The following NFATC2 variants were observed in gnomAD, a reference collection of about 807,000 sequenced individuals.
NFATC2 encodes nuclear factor of activated T cells 2.
NFATC2 carries 22 observed loss-of-function variants against 87.3 expected under a neutral mutation model. The ratio of observed to expected loss-of-function variants is 0.25; its 90% CI spans 0.18 to 0.36. The LOEUF (loss-of-function observed/expected upper bound fraction) is 0.36, where lower values mean the gene tolerates loss of function less well. Ranked by LOEUF, NFATC2 falls within the 10% of genes least tolerant of loss-of-function variation. The pLI, the probability that NFATC2 is intolerant of heterozygous loss-of-function variation, is 1.00. For synonymous variants in NFATC2, 565 were observed against 542.2 expected (o/e 1.04, Z -0.58); for missense variants, 1,149 against 1,259.1 (o/e 0.91, Z 1.32).
intron 4 of NFATC2, 45 bp from the exon 5 acceptor site, chr20:51,474,197 A>G: frequency 6.3e-7 from 1 of 1,599,776 alleles, no homozygotes; most frequent in South Asian, 1.1e-5. Flanking sequence ...TACCTTCAGG[A>G]GCAGGAAAGA....
At chr20:51,431,963 G>A in intron 9 of NFATC2, 104 bp downstream of exon 9, 1 of 1,227,840 alleles carries the variant, frequency 8.1e-7, no homozygotes. Flanking sequence ...GGACACTGAG[G>A]CCCAAAGAGA....
At chr20:51,487,321 T>C (rs769179642) in intron 3 of NFATC2, among the ~76,000 whole-genome samples, 1 of 152,114 alleles carries the variant, frequency 6.6e-6, no homozygotes, top group Non-Finnish European at 1.5e-5. Context: ...AACACATTGA[T>C]AAGACATTCC....
upstream of NFATC2, among the ~76,000 whole-genome samples, chr20:51,543,874 A>G (rs970190751): frequency 6.6e-6 from 1 of 151,912 alleles, no homozygotes; most frequent in Non-Finnish European, 1.5e-5. Context: ...AAAGATCAAA[A>G]CAGTGGTCTT....
In NFATC2 at chr20:51,524,930, T is replaced by C. The variant is rs557577327; in HGVS notation, c.131-820A>G. ...CTGACACCCAAACTATTAGACCCAA[T>C]GGATGCAGGCCGGGCGTGGTGGCTC... On this transcript the variant is annotated intron_variant, in intron 1 of 10. Transcript: ENST00000371564. This position sits in a 1 kb window ranked among gnomAD's most constrained non-coding sequence, Gnocchi z 4.0. Among the ~76,000 whole-genome samples the C allele has an allele frequency of 6.6e-6, 1 of 151,968 alleles. No homozygotes were observed. The highest frequency in any genetic ancestry group is 1.9e-4 in the East Asian group (1 of 5,174).
intron 1 of NFATC2, among the ~76,000 whole-genome samples, chr20:51,525,219 C>CA (rs1266675593): frequency 6.6e-6 from 1 of 152,096 alleles, no homozygotes; most frequent in Non-Finnish European, 1.5e-5. Context: ...GACTCTGTCT[C>CA]AAAAATAAAA....
chr20:51,427,753 C>T (rs193254361), intron 9 of NFATC2, among the ~76,000 whole-genome samples: 8 of 152,298 alleles, frequency 5.3e-5, no homozygotes, highest in East Asian at 3.9e-4. Context: ...CCCCAAAGGC[C>T]GCCTCTTCAG....
At chr20:51,536,328 G>A (rs1254134281) in intron 1 of NFATC2, among the ~76,000 whole-genome samples, 5 of 152,140 alleles carry the variant, frequency 3.3e-5, no homozygotes, top group African/African-American at 9.7e-5. Context: ...ATATAGTGCT[G>A]ATGGCAGGGA....
intron 9 of NFATC2, among the ~76,000 whole-genome samples, chr20:51,407,316 C>T (rs1247210425): frequency 6.6e-6 from 1 of 152,172 alleles, no homozygotes; most frequent in African/African-American, 2.4e-5. Flanking sequence ...CACTTGGCAC[C>T]CCCAGTTTTA....
chr20:51,523,410 C>A lies in NFATC2; in HGVS notation c.831G>T (p.Pro277=), dbSNP rs773241062. The A allele has an allele frequency of 6.2e-7, 1 of 1,608,188 alleles. No individual in the cohort carries two copies. The highest frequency in any genetic ancestry group is 8.5e-7 in the Non-Finnish European group (1 of 1,177,130). The change falls in exon 2 of 11, where the codon CCG becomes CCT. Residue 277 remains proline (P), a synonymous_variant. Coordinates refer to ENST00000371564, the MANE Select transcript of NFATC2 (RefSeq NM_012340.5). The surrounding 1 kb of genome is among the most constrained non-coding windows in gnomAD (Gnocchi z 6.9). ...ASPQRSRSPS[P]QPSSHVAPQD... The stretch of plus-strand genomic sequence containing the variant: ...GGGGTGCCACGTGAGATGAGGGCTG[C>A]GGCGAGGGGCTCCGGGAGCGCTGGG...
At chr20:51,400,413 TTCTC>T (rs573587702) in intron 9 of NFATC2, among the ~76,000 whole-genome samples, 1 of 146,352 alleles carries the variant, frequency 6.8e-6, no homozygotes, top group African/African-American at 2.5e-5. Context: ...AGAACACGAG[TTCTC>T]TCTCCAAACC....
intron 9 of NFATC2, among the ~76,000 whole-genome samples, chr20:51,420,710 A>G (rs1980764414): frequency 6.6e-6 from 1 of 152,180 alleles, no homozygotes; most frequent in Non-Finnish European, 1.5e-5. Flanking sequence ...TATAATAAAA[A>G]CAAAGAAGAA....
chr20:51,421,469 A>G (rs1328057025), intron 9 of NFATC2, among the ~76,000 whole-genome samples: 1 of 152,226 alleles, frequency 6.6e-6, no homozygotes, highest in African/African-American at 2.4e-5. Flanking sequence ...AATGAGTGAA[A>G]TCGGTGAAGT....
chr20:51,392,750 A>T (rs527500051), intron 10 of NFATC2, among the ~76,000 whole-genome samples: 1 of 152,236 alleles, frequency 6.6e-6, no homozygotes, highest in East Asian at 1.9e-4. Flanking sequence ...ATTGGCAGTG[A>T]GGGTTAAATG....
rs756135755 is a variant in NFATC2, at chr20:51,523,202, G to A, written c.1039C>T (p.Pro347Ser). ...CAGGGCCCCAGGAACTCCACGGCCG[G>A]GTAGATGTGGCGAGGCAGGCCGGCC... ...SKAGLPRHIY[P>S]AVEFLGPCEQ... The change falls in exon 2 of 11, where the codon CCG (proline) becomes TCG (serine). Residue 347 changes from proline to serine, a missense_variant. Physicochemically the swap from Pro to Ser is moderately conservative, Grantham distance 74 (BLOSUM62 -1). Around this residue, in one of 3 missense-constraint regions of NFATC2, gnomAD observed 563 missense variants for 585.2 expected, o/e 0.96. Transcript: ENST00000371564. This position sits in a 1 kb window ranked among gnomAD's most constrained non-coding sequence, Gnocchi z 6.9. 18 of 1,613,986 alleles carry A rather than the reference G, an allele frequency of 1.1e-5. No individual in the cohort carries two copies. The highest frequency in any genetic ancestry group is 1.7e-5 in the Admixed American group (1 of 60,008).
At chr20:51,550,686 T>A (rs1341884393) in intron 1 of NFATC2, among the ~76,000 whole-genome samples, 1 of 152,178 alleles carries the variant, frequency 6.6e-6, no homozygotes, top group Non-Finnish European at 1.5e-5. Flanking sequence ...ACCTTAAACA[T>A]GCTCAGAACA....
chr20:51,452,485 C>T (rs116287420), intron 6 of NFATC2, among the ~76,000 whole-genome samples: 207 of 152,334 alleles, frequency 1.4e-3, no homozygotes, highest in African/African-American at 4.6e-3. Context: ...ACAACATCTG[C>T]AGCCAGGATC....
chr20:51,545,353 TCTTGGTAGAGCTATCAACCCAG>T (rs1255037995), upstream of NFATC2, among the ~76,000 whole-genome samples: 1 of 152,138 alleles, frequency 6.6e-6, no homozygotes, highest in Non-Finnish European at 1.5e-5. Context: ...CTAAACATAA[TCTTGGTAGAGCTATCAACCCAG>T]CTGCCCCACC....
chr20:51,532,186 A>G (rs2076644170), intron 1 of NFATC2, among the ~76,000 whole-genome samples: 2 of 152,162 alleles, frequency 1.3e-5, no homozygotes, highest in Non-Finnish European at 2.9e-5. Context: ...CAAGAACCCT[A>G]TGAAGCAGCT....
In NFATC2 at chr20:51,436,342, G is replaced by A. The variant is rs76670893; in HGVS notation, c.1850-581C>T. On this transcript the variant is annotated intron_variant, in intron 6 of 10. Transcript: ENST00000371564. ...GAAAATAAGAAAAAAAATAGAAACT[G>A]TCCAGAATCCTCCCATCATTTTTTC... is the stretch of plus-strand genomic sequence containing the variant. Among the ~76,000 whole-genome samples the A allele has an allele frequency of 1.3e-3, 199 of 150,912 alleles. 2 individuals carry two copies. The East Asian group carries it at 0.037, about 28-fold the overall frequency.
Sources: allele counts gnomAD v4.1 joint callset (sites outside exome capture counted in the v4.1 genomes callset), GRCh38; gene constraint gnomAD v4.1.1; regional missense constraint gnomAD v4.1.1; non-coding constraint Gnocchi (gnomAD v3.1); transcripts MANE v1.5; gene names NCBI Gene and HGNC (gene_info 2026-07-23, HGNC 2026-07-21).